MIS18BP1: variants seen among roughly 807,000 people sequenced by gnomAD.
MIS18BP1 encodes the protein MIS18 binding protein 1, also known as mis18-binding protein 1.
MIS18BP1 carries 72 observed loss-of-function variants against 116.1 expected under a neutral mutation model. The ratio of observed to expected loss-of-function variants is 0.62; its 90% CI spans 0.51 to 0.75. The LOEUF (loss-of-function observed/expected upper bound fraction) is 0.75, where lower values mean the gene tolerates loss of function less well. Ranked by LOEUF, MIS18BP1 falls within the 30% of genes least tolerant of loss-of-function variation. The pLI is 0.00. For synonymous variants in MIS18BP1, 386 were observed against 427.0 expected, an observed-to-expected ratio of 0.90 and a Z score of 1.18; for missense variants, 1,363 against 1,303.2, an observed-to-expected ratio of 1.05 and a Z score of -0.71.
Position 45,231,184 on chromosome 14 carries a change from A to G in MIS18BP1, c.1551T>C (p.Ala517=). The G allele has an allele frequency of 6.2e-7, 1 of 1,613,912 alleles. No individual in the cohort carries two copies. Among genetic ancestry groups the G allele is most frequent in the Non-Finnish European group, 8.5e-7 (1 of 1,179,930 alleles). ...NDARENQTDT[A]QRATTTYDFD... ...AATCGTAAGTGGTGGTGGCTCTTTG[A>G]GCAGTATCTGTTTGGTTTTCTCGTG... The change falls in exon 8 of 17, where the codon GCT becomes GCC. Residue 517 remains alanine (A), a synonymous_variant. Transcript: ENST00000310806.
At chr14:45,232,580 T>C (rs1158009439) in intron 7 of MIS18BP1, 153 bp downstream of exon 7, 1 of 610,476 alleles carries the variant, frequency 1.6e-6, no homozygotes, top group South Asian at 1.7e-5. Flanking sequence ...GGATCACTTG[T>C]AGCCAGGAGT....
intron 2 of MIS18BP1, among the ~76,000 whole-genome samples, chr14:45,245,948 T>C (rs2139246783): frequency 6.6e-6 from 1 of 152,312 alleles, no homozygotes; most frequent in East Asian, 1.9e-4. Context: ...CCGCACTCCA[T>C]TCCTCCTTCC....
chr14:45,221,416 G>C (rs550072251), intron 11 of MIS18BP1, among the ~76,000 whole-genome samples: 1 of 152,060 alleles, frequency 6.6e-6, no homozygotes, highest in Admixed American at 6.6e-5. Flanking sequence ...CAGCCTGGGC[G>C]ACAGAGCAAG....
At chr14:45,217,999 TTTAA>T (rs1890869656) in intron 12 of MIS18BP1, among the ~76,000 whole-genome samples, 1 of 152,200 alleles carries the variant, frequency 6.6e-6, no homozygotes, top group South Asian at 2.1e-4. Context: ...CCAAGTGGTC[TTTAA>T]TTAAACCCTT....
chr14:45,226,698 AGT>A (rs1484773367), intron 10 of MIS18BP1, 43 bp downstream of exon 10: 2 of 1,284,572 alleles, frequency 1.6e-6, no homozygotes, highest in Non-Finnish European at 2.0e-6. Flanking sequence ...CATTTCACAT[AGT>A]AGCTTTCTGC....
At position 45,231,285 on chromosome 14, in the gene MIS18BP1, TC is replaced by T. The variant is rs774586191; in HGVS notation, c.1449del (p.Asn484ThrfsTer18). 1 of 1,599,782 alleles carries T rather than the reference TC, an allele frequency of 6.3e-7. No homozygotes were observed. Among genetic ancestry groups the T allele is most frequent in the South Asian group, 1.1e-5 (1 of 87,756 alleles). On this transcript the variant is annotated frameshift_variant, in exon 8 of 17. Transcript: ENST00000310806. LOFTEE classifies it high-confidence loss of function. ...NFLEQLRAGE[K>X]NREKTKQKQK... is the part of the protein sequence containing the mutation. ...TGTTTTTGTTTGGTCTTTTCCCTGT[TC>T]TTTTCACCAGCCCTTTAAAAACAAT...
At chr14:45,206,398 C>A in intron 14 of MIS18BP1, 1 of 397,794 alleles carries the variant, frequency 2.5e-6, no homozygotes, top group South Asian at 2.8e-5. Context: ...GTGATCCTCC[C>A]AACTCAGCCT....
Position 45,224,371 on chromosome 14 carries a change from G to T in MIS18BP1, c.2216C>A (p.Ser739Tyr). 6.2e-7 allele frequency: 1 copy of T among 1,613,624 alleles called. No individual in the cohort carries two copies. The highest frequency in any genetic ancestry group is 8.5e-7 in the Non-Finnish European group (1 of 1,179,886). The change falls in exon 11 of 17, where the codon TCT (serine) becomes TAT (tyrosine). Residue 739 changes from serine to tyrosine, a missense_variant. Physicochemically the swap from Ser to Tyr is moderately radical, Grantham distance 144. Transcript: ENST00000310806. Reference sequence around the variant, plus strand: ...TAGTCTGGTATTTTTCTTAAAGTCAGAGGTGAGCATTTGTTCCTTTTCAAG... The same window carrying T: ...TAGTCTGGTATTTTTCTTAAAGTCATAGGTGAGCATTTGTTCCTTTTCAAG... ...SNLEKEQMLT[S>Y]DFKKNTRLLP...
Position 45,227,773 on chromosome 14 carries a change from CTG to C in MIS18BP1, c.1634_1635del (p.Thr545ArgfsTer8). The stretch of plus-strand genomic sequence containing the variant: ...CAATTACTGTGGCACATGTTTAATT[CTG>C]TAGCTCCTGGTGACTCACTGTGCTT... ...SNKHSESPGA[T>X]ELNMCHSNCQ... is the part of the protein sequence containing the mutation. On this transcript the variant is annotated frameshift_variant, in exon 9 of 17. Transcript: ENST00000310806. LOFTEE classifies it high-confidence loss of function. 1.2e-6 allele frequency: 2 copies of C among 1,614,034 alleles called. No homozygotes were observed. The highest frequency in any genetic ancestry group is 1.7e-6 in the Non-Finnish European group (2 of 1,179,942).
chr14:45,225,342 C>T (rs899256989), intron 10 of MIS18BP1, among the ~76,000 whole-genome samples: 3 of 151,664 alleles, frequency 2.0e-5, no homozygotes, highest in African/African-American at 2.4e-5. Flanking sequence ...TTCAATCAGA[C>T]TGGAAAAAAT....
chr14:45,243,785 T>C lies in MIS18BP1; in HGVS notation c.545-911A>G, dbSNP rs139112187. Among the ~76,000 whole-genome samples, 9 of 152,240 alleles carry C rather than the reference T, an allele frequency of 5.9e-5. No individual in the cohort carries two copies. The East Asian group carries it at 1.7e-3, about 29-fold the overall frequency. On this transcript the variant is annotated intron_variant, in intron 2 of 16. Transcript: ENST00000310806. ...ATTCAATCAAATGCAATAAGTTATATTTATTCACTTATGTGGGAGTCCCAG... is the reference window on the plus strand; with the variant it reads ...ATTCAATCAAATGCAATAAGTTATACTTATTCACTTATGTGGGAGTCCCAG...
At chr14:45,243,903 A>G (rs565650642) in intron 2 of MIS18BP1, among the ~76,000 whole-genome samples, 1 of 152,264 alleles carries the variant, frequency 6.6e-6, no homozygotes, top group South Asian at 2.1e-4. Flanking sequence ...GGGTCACCAG[A>G]TTCTCAAAAT....
intron 13 of MIS18BP1, 81 bp downstream of exon 13, chr14:45,216,938 G>T (rs926246232): frequency 1.4e-6 from 2 of 1,441,976 alleles, no homozygotes; most frequent in African/African-American, 1.4e-5. Context: ...CTAAATATTA[G>T]TGATGAACAC....
In MIS18BP1 at chr14:45,227,819, G is replaced by A; in HGVS notation, c.1595-5C>T. On this transcript the variant is annotated splice_polypyrimidine_tract_variant and splice_region_variant and intron_variant, in intron 8 of 16. Transcript: ENST00000310806. ...TGTGCTTATTACTCTTCAGTTCTAT[G>A]AATACAAAGATGGAGATTTCAATAA... 1 of 1,610,248 alleles carries A rather than the reference G, an allele frequency of 6.2e-7. No individual in the cohort carries two copies. The highest frequency in any genetic ancestry group is 8.5e-7 in the Non-Finnish European group (1 of 1,178,274).
At chr14:45,214,167 A>G (rs947017384) in intron 13 of MIS18BP1, among the ~76,000 whole-genome samples, 3 of 152,188 alleles carry the variant, frequency 2.0e-5, no homozygotes, top group Non-Finnish European at 4.4e-5. Flanking sequence ...GAGAATTAGT[A>G]AAATAGGAAG....
intron 4 of MIS18BP1, among the ~76,000 whole-genome samples, chr14:45,239,643 G>C (rs1353880272): frequency 1.3e-5 from 2 of 152,148 alleles, no homozygotes; most frequent in South Asian, 2.1e-4. Context: ...TGAACAGAAC[G>C]ACAAAATTTG....
chr14:45,231,077 A>G, intron 8 of MIS18BP1, 64 bp downstream of exon 8: 2 of 1,526,238 alleles, frequency 1.3e-6, no homozygotes, highest in East Asian at 4.5e-5. Context: ...TATAAACCAT[A>G]AACAATGTAG....
chr14:45,221,910 T>C (rs772850126), intron 11 of MIS18BP1, among the ~76,000 whole-genome samples: 8 of 152,194 alleles, frequency 5.3e-5, no homozygotes, highest in Non-Finnish European at 1.2e-4. Context: ...TTTTAACTCA[T>C]GTATTTTGAG....
intron 13 of MIS18BP1, among the ~76,000 whole-genome samples, chr14:45,214,125 C>T (rs1377443030): frequency 1.3e-5 from 2 of 152,144 alleles, no homozygotes; most frequent in African/African-American, 2.4e-5. Context: ...TACTGTCCCC[C>T]AGCCCCACAC....
Sources: allele counts gnomAD v4.1 joint callset (sites outside exome capture counted in the v4.1 genomes callset), GRCh38; gene constraint gnomAD v4.1.1; transcripts MANE v1.5; gene names NCBI Gene and HGNC (gene_info 2026-07-23, HGNC 2026-07-21).